TRAPPC8: variants seen among roughly 807,000 people sequenced by gnomAD.
The protein encoded by TRAPPC8 is general sporulation gene 1 homolog.
TRAPPC8 carries 54 observed loss-of-function variants against 174.3 expected under a neutral mutation model. That is an observed-to-expected ratio of 0.31 (90% CI 0.25 to 0.39). The LOEUF (loss-of-function observed/expected upper bound fraction) is 0.39, where lower values mean the gene tolerates loss of function less well. Ranked by LOEUF, TRAPPC8 falls within the 10% of genes least tolerant of loss-of-function variation. The pLI is 1.00. For missense variants in TRAPPC8, 1,531 were observed against 1,699.1 expected, an observed-to-expected ratio of 0.90 and a Z score of 1.74; for synonymous variants, 630 against 579.9, an observed-to-expected ratio of 1.09 and a Z score of -1.24.
chr18:31,882,388 T>C (rs1164943340), intron 12 of TRAPPC8, among the ~76,000 whole-genome samples: 2 of 151,766 alleles, frequency 1.3e-5, no homozygotes, highest in Non-Finnish European at 2.9e-5. Flanking sequence ...CACTTATAAG[T>C]GGGAGCTAAA....
Position 31,866,862 on chromosome 18 carries a change from G to T in TRAPPC8, c.2577C>A (p.Pro859=), listed in dbSNP as rs61736045. The change falls in exon 18 of 29, where the codon CCC becomes CCA. Residue 859 remains proline (P), a synonymous_variant. Transcript: ENST00000283351. ...TATAGCCTTTACCTGTGTGACATCC[G>T]GGAAGAGCACCAATGCCATCTACTG... ...SMTVDGIGAL[P]GCHTGKYSLS... The T allele has an allele frequency of 1.4e-4, 227 of 1,612,982 alleles. No homozygotes were observed. The African/African-American group carries it at 2.8e-3, about 20-fold the overall frequency.
chr18:31,856,238 T>C (rs751527320), intron 20 of TRAPPC8, among the ~76,000 whole-genome samples: 3 of 152,112 alleles, frequency 2.0e-5, no homozygotes, highest in African/African-American at 4.8e-5. Context: ...TCTGAGTAGC[T>C]GGGATTACAA....
At chr18:31,884,391 AATGTGTGTGTATTT>A (rs1364270915) in intron 12 of TRAPPC8, among the ~76,000 whole-genome samples, 2 of 152,222 alleles carry the variant, frequency 1.3e-5, no homozygotes, top group African/African-American at 4.8e-5. Context: ...GCATATAGTG[AATGTGTGTGTATTT>A]ATGTGTGTGT....
intron 13 of TRAPPC8, 128 bp downstream of exon 13, chr18:31,874,352 C>A: frequency 1.0e-6 from 1 of 1,002,196 alleles, no homozygotes; most frequent in South Asian, 1.7e-5. Context: ...CCTAGCCTGC[C>A]ACAGCTTTTT....
chr18:31,909,677 G>A lies in TRAPPC8; in HGVS notation c.855C>T (p.Asn285=), dbSNP rs772879297. 1.2e-5 allele frequency: 19 copies of A among 1,597,456 alleles called. No individual in the cohort carries two copies. Among genetic ancestry groups the A allele is most frequent in the Middle Eastern group, 1.7e-4 (1 of 6,034 alleles). ...NNLLSLDGLD[N]EVKDGLPNNF... is the part of the protein sequence containing the mutation. ...AAAATATATCAAGACCTTTGACTTC[G>A]TTATCTAATCCATCCAATGAAAGCA... Residue 285 remains asparagine (N), a synonymous_variant, in exon 6 of 29, where the codon AAC becomes AAT. Transcript: ENST00000283351.
Position 31,830,551 on chromosome 18 carries a change from AG to A in TRAPPC8, c.*203del, listed in dbSNP as rs1486055617. The stretch of plus-strand genomic sequence containing the variant: ...TATTATGAGCATGTAAATTATTCTC[AG>A]GGTTTAAAGAAATACAGAAAAAGAA... On this transcript the variant is annotated 3_prime_UTR_variant, in exon 29 of 29. Coordinates refer to ENST00000283351, the MANE Select transcript of TRAPPC8 (RefSeq NM_014939.5). 5 of 563,216 alleles carry A rather than the reference AG, an allele frequency of 8.9e-6. No homozygotes were observed. In the East Asian group the frequency reaches 1.2e-4, roughly 13 times the overall value. The allele number at this position is 563,216 out of a possible 1,614,324, so 34.9% of individuals were successfully genotyped here.
At chr18:31,911,928 C>G (rs1241673369) in intron 5 of TRAPPC8, among the ~76,000 whole-genome samples, 2 of 149,262 alleles carry the variant, frequency 1.3e-5, no homozygotes, top group Admixed American at 1.3e-4. Context: ...TCTCGATTAT[C>G]TGAACTAAGC....
In TRAPPC8 at chr18:31,931,490, A is replaced by G. The variant is rs1229032313; in HGVS notation, c.191T>C (p.Val64Ala). Residue 64 changes from valine to alanine, a missense_variant, in exon 2 of 29, where the codon GTA (valine) becomes GCA (alanine). Physicochemically the swap from Val to Ala is moderately conservative, Grantham distance 64. Transcript: ENST00000283351. ...TACTGCTATCTTCAAATTTTTAATT[A>G]CGTGAAGTTGATTATTAGGATCTCT... is the stretch of plus-strand genomic sequence containing the variant. ...HMRDPNNQLHVIKNLKIAVSN... is the reference protein window; with the variant it reads ...HMRDPNNQLHAIKNLKIAVSN... 1.2e-6 allele frequency: 2 copies of G among 1,604,410 alleles called. No homozygotes were observed. The highest frequency in any genetic ancestry group is 1.7e-6 in the Non-Finnish European group (2 of 1,176,518).
rs187612137 is a variant in TRAPPC8, at chr18:31,885,048, G to A, written c.1728+5687C>T. ...TTTTTTTTGGATTTTTAGTAGAGACGGGGTTTCACCGTGTTAGCCAGGATG... is the reference window on the plus strand; with the variant it reads ...TTTTTTTTGGATTTTTAGTAGAGACAGGGTTTCACCGTGTTAGCCAGGATG... On this transcript the variant is annotated intron_variant, in intron 12 of 28. Coordinates refer to ENST00000283351, the MANE Select transcript of TRAPPC8 (RefSeq NM_014939.5). Among the ~76,000 whole-genome samples, 60 of 151,946 alleles carry A rather than the reference G, an allele frequency of 3.9e-4. No individual in the cohort carries two copies. The East Asian group carries it at 7.0e-3, about 18-fold the overall frequency.
At chr18:31,902,189 G>C (rs980109874) in intron 9 of TRAPPC8, among the ~76,000 whole-genome samples, 3 of 152,204 alleles carry the variant, frequency 2.0e-5, no homozygotes, top group African/African-American at 7.2e-5. Flanking sequence ...TCAACAGCCA[G>C]AAGTGGTGGC....
At chr18:31,868,221 G>C (rs921626200) in intron 16 of TRAPPC8, among the ~76,000 whole-genome samples, 1 of 152,004 alleles carries the variant, frequency 6.6e-6, no homozygotes, top group Admixed American at 6.6e-5. Flanking sequence ...CCTCATAAAC[G>C]CTATTATACT....
At chr18:31,904,123 C>T (rs1177277191) in intron 9 of TRAPPC8, among the ~76,000 whole-genome samples, 1 of 151,732 alleles carries the variant, frequency 6.6e-6, no homozygotes, top group East Asian at 1.9e-4. Context: ...ATAGTCCCAG[C>T]TACTGTGGGG....
chr18:31,937,109 G>A (rs1030779942), intron 1 of TRAPPC8, among the ~76,000 whole-genome samples: 2 of 152,052 alleles, frequency 1.3e-5, no homozygotes, highest in Non-Finnish European at 2.9e-5. Flanking sequence ...AGCTACTCAG[G>A]AGTCTGAGGC....
At position 31,852,488 on chromosome 18, in the gene TRAPPC8, A is replaced by G. The variant is rs2033763934; in HGVS notation, c.3519T>C (p.Ser1173=). 1 of 1,614,112 alleles carries G rather than the reference A, an allele frequency of 6.2e-7. No individual in the cohort carries two copies. Among genetic ancestry groups the G allele is most frequent in the South Asian group, 1.1e-5 (1 of 91,090 alleles). ...CEKEEAATQS[S]EKYTFADIIF... Reference sequence around the variant, plus strand: ...TGATATCTGCAAAGGTATATTTTTCAGAGGACTGTGTGGCCGCTAAAAAAC... The same window carrying G: ...TGATATCTGCAAAGGTATATTTTTCGGAGGACTGTGTGGCCGCTAAAAAAC... Residue 1173 remains serine, a synonymous_variant, in exon 24 of 29, where the codon TCT becomes TCC. Transcript: ENST00000283351.
intron 12 of TRAPPC8, among the ~76,000 whole-genome samples, chr18:31,888,637 A>G (rs1375413908): frequency 6.6e-6 from 1 of 152,238 alleles, no homozygotes; most frequent in South Asian, 2.1e-4. Flanking sequence ...GGAAGCTGGA[A>G]GCCATTATCC....
chr18:31,925,858 C>G (rs2037593353), intron 2 of TRAPPC8, among the ~76,000 whole-genome samples: 1 of 152,176 alleles, frequency 6.6e-6, no homozygotes, highest in Non-Finnish European at 1.5e-5. Context: ...ACAATGTACA[C>G]AGTCAAACCA....
At chr18:31,922,946 G>A (rs2037452920) in intron 2 of TRAPPC8, among the ~76,000 whole-genome samples, 1 of 152,164 alleles carries the variant, frequency 6.6e-6, no homozygotes. Context: ...GAGCCCAGGA[G>A]GCAGAGGTTG....
chr18:31,868,225 T>C (rs2034679197), intron 16 of TRAPPC8, among the ~76,000 whole-genome samples: 1 of 152,196 alleles, frequency 6.6e-6, no homozygotes, highest in Non-Finnish European at 1.5e-5. Flanking sequence ...ATAAACGCTA[T>C]TATACTTTCA....
At chr18:31,934,384 G>A (rs2037988835) in intron 1 of TRAPPC8, among the ~76,000 whole-genome samples, 1 of 152,038 alleles carries the variant, frequency 6.6e-6, no homozygotes, top group African/African-American at 2.4e-5. Flanking sequence ...TAGTGGGGAG[G>A]TGGATGTTTC....
Sources: gnomAD v4.1 joint callset for allele counts (sites outside exome capture counted in the v4.1 genomes callset) on GRCh38, gnomAD v4.1.1 for gene constraint, MANE v1.5 for transcripts, NCBI Gene and HGNC (gene_info 2026-07-23, HGNC 2026-07-21) for gene names.